SLCO1A2: variants seen among roughly 807,000 people sequenced by gnomAD.
SLCO1A2 encodes OATP-1.
Under a neutral mutation model 69.0 loss-of-function variants are expected in SLCO1A2, and 67 were observed. That is an observed-to-expected ratio of 0.97 (90% CI 0.80 to 1.19). SLCO1A2 has a LOEUF of 1.19. SLCO1A2 is among the 50% of genes most tolerant of loss of function. The pLI is 0.00. For missense variants in SLCO1A2, 787 were observed against 793.7 expected (o/e 0.99, Z 0.10); for synonymous variants, 260 against 265.9 (o/e 0.98, Z 0.22).
chr12:21,356,132 G>A (rs910072220), intron 2 of SLCO1A2, among the ~76,000 whole-genome samples: 5 of 151,942 alleles, frequency 3.3e-5, no homozygotes, highest in Non-Finnish European at 5.9e-5. Context: ...AGTAACTAGC[G>A]CTGTGACTTT....
Position 21,334,700 on chromosome 12 carries a change from T to C in SLCO1A2, c.-53A>G, listed in dbSNP as rs193112635. 4.8e-5 allele frequency: 70 copies of C among 1,454,982 alleles called. 1 individual carries two copies. In the East Asian group the frequency reaches 6.9e-4, roughly 14 times the overall value. 90.1% of individuals were successfully genotyped at this position (1,454,982 alleles called of 1,614,324 possible). On this transcript the variant is annotated 5_prime_UTR_variant, in exon 2 of 15. Transcript: ENST00000683939. ...TTATGTTTTAAATCTTGATATGTCTTACTTCTACCCTTTCAAGCAAACAAA... is the reference window on the plus strand; with the variant it reads ...TTATGTTTTAAATCTTGATATGTCTCACTTCTACCCTTTCAAGCAAACAAA...
At chr12:21,317,301 C>T (rs1951004197) in intron 3 of SLCO1A2, among the ~76,000 whole-genome samples, 1 of 152,140 alleles carries the variant, frequency 6.6e-6, no homozygotes, top group African/African-American at 2.4e-5. Context: ...TAATCCTTTC[C>T]AACTTTATCT....
intron 2 of SLCO1A2, among the ~76,000 whole-genome samples, chr12:21,351,052 C>T (rs949265669): frequency 6.6e-6 from 1 of 151,998 alleles, no homozygotes; most frequent in Non-Finnish European, 1.5e-5. Flanking sequence ...GCCTGTATTC[C>T]AACCCAGTTT....
At chr12:21,400,011 A>C (rs1301275053), upstream of SLCO1A2, among the ~76,000 whole-genome samples, 5 of 151,856 alleles carry the variant, frequency 3.3e-5, no homozygotes, top group African/African-American at 4.8e-5. Context: ...GCAACAAAAG[A>C]CAAAATTGAC....
At chr12:21,314,861 G>A (rs1950679883) in intron 3 of SLCO1A2, among the ~76,000 whole-genome samples, 180 bp from the exon 4 acceptor site, 1 of 152,144 alleles carries the variant, frequency 6.6e-6, no homozygotes, top group African/African-American at 2.4e-5. Flanking sequence ...CCGAAGAAGG[G>A]TTCTGTTTTG....
intron 2 of SLCO1A2, among the ~76,000 whole-genome samples, chr12:21,356,238 C>T (rs891656684): frequency 1.3e-5 from 2 of 151,656 alleles, no homozygotes; most frequent in Non-Finnish European, 2.9e-5. Flanking sequence ...ATATATAATT[C>T]TTGAATAAAG....
upstream of SLCO1A2, among the ~76,000 whole-genome samples, chr12:21,395,822 G>A (rs371861445): frequency 5.0e-4 from 76 of 152,102 alleles, no homozygotes; most frequent in Non-Finnish European, 7.9e-4. Context: ...CCTCTCTGTT[G>A]GAAGGAAAAC....
intron 12 of SLCO1A2, among the ~76,000 whole-genome samples, chr12:21,288,001 T>TA (rs1304657621): frequency 2.5e-5 from 3 of 121,072 alleles, no homozygotes; most frequent in Admixed American, 8.7e-5. Context: ...CCCTAAAACT[T>TA]AAAGTATAAT....
At chr12:21,335,382 C>T (rs181383141), upstream of SLCO1A2, among the ~76,000 whole-genome samples, 37 of 138,020 alleles carry the variant, frequency 2.7e-4, no homozygotes, top group African/African-American at 1.0e-3. Context: ...TGTAGCTATA[C>T]GTAATAGGTA....
intron 2 of SLCO1A2, among the ~76,000 whole-genome samples, chr12:21,343,143 G>T (rs1163405515): frequency 6.6e-6 from 1 of 152,096 alleles, no homozygotes; most frequent in African/African-American, 2.4e-5. Flanking sequence ...TTACTTAATT[G>T]ACCTGTTGCT....
intron 2 of SLCO1A2, among the ~76,000 whole-genome samples, chr12:21,367,670 A>G (rs1203045950): frequency 6.6e-6 from 1 of 152,108 alleles, no homozygotes. Flanking sequence ...ACTCAGTTCA[A>G]TAGTAATCAG....
intron 2 of SLCO1A2, among the ~76,000 whole-genome samples, chr12:21,372,254 CTCTA>C (rs1235530707): frequency 2.0e-5 from 3 of 152,120 alleles, no homozygotes; most frequent in Non-Finnish European, 2.9e-5. Flanking sequence ...ACCTATGGAT[CTCTA>C]TCTAAGTGCT....
At chr12:21,299,592 G>A (rs1948276477) in intron 8 of SLCO1A2, among the ~76,000 whole-genome samples, 1 of 149,634 alleles carries the variant, frequency 6.7e-6, no homozygotes, top group African/African-American at 2.4e-5. Context: ...TTAACTTCCA[G>A]GAAGCTCTTC....
intron 2 of SLCO1A2, chr12:21,319,295 C>A: frequency 7.7e-7 from 1 of 1,297,616 alleles, no homozygotes; most frequent in South Asian, 1.2e-5. Context: ...AGAAAGAATG[C>A]AGAATTATAC....
At chr12:21,371,956 C>G (rs1049173416) in intron 2 of SLCO1A2, among the ~76,000 whole-genome samples, 1 of 151,122 alleles carries the variant, frequency 6.6e-6, no homozygotes, top group Non-Finnish European at 1.5e-5. Context: ...GAGCCGAGAT[C>G]GCACCCTTGT....
rs372298739 is a variant in SLCO1A2 at position 21,329,741 on chromosome 12, T to A, written c.60+4847A>T. Reference sequence around the variant, plus strand: ...TCTATATAATATTTTTATCTTTACTTAAAATAACTCTTAGAAAAAAAAATT... The same window carrying A: ...TCTATATAATATTTTTATCTTTACTAAAAATAACTCTTAGAAAAAAAAATT... On this transcript the variant is annotated intron_variant, in intron 2 of 14. Coordinates refer to ENST00000683939, the MANE Select transcript of SLCO1A2 (RefSeq NM_001386879.1). 5.1e-5 allele frequency among the ~76,000 whole-genome samples: 7 copies of A among 137,824 alleles called. No individual in the cohort carries two copies. The East Asian group carries it at 6.3e-4, about 12-fold the overall frequency. 90.4% of individuals were successfully genotyped at this position (137,824 alleles called of 152,430 possible).
chr12:21,307,314 T>C (rs1418829203), intron 4 of SLCO1A2, among the ~76,000 whole-genome samples: 4 of 152,138 alleles, frequency 2.6e-5, no homozygotes, highest in Non-Finnish European at 5.9e-5. Context: ...ACACAAACTT[T>C]AAAAAATGTG....
At chr12:21,299,797 C>T (rs1948368711) in intron 8 of SLCO1A2, among the ~76,000 whole-genome samples, 1 of 120,092 alleles carries the variant, frequency 8.3e-6, no homozygotes, top group African/African-American at 4.0e-5. Context: ...TATACACACA[C>T]ACGTATATAT....
At chr12:21,378,667 C>T (rs562868258) in intron 1 of SLCO1A2, 51 of 431,786 alleles carry the variant, frequency 1.2e-4, no homozygotes, top group Non-Finnish European at 2.1e-4. Flanking sequence ...AACATAAGAA[C>T]GTCATTTTGG....
Sources: gnomAD v4.1 joint callset for allele counts (sites outside exome capture counted in the v4.1 genomes callset) on GRCh38, gnomAD v4.1.1 for gene constraint, MANE v1.5 for transcripts, NCBI Gene and HGNC (gene_info 2026-07-23, HGNC 2026-07-21) for gene names.